FAM120B: variants seen among roughly 807,000 people sequenced by gnomAD.
The protein encoded by FAM120B is family with sequence similarity 120 member B.
In FAM120B, 83 loss-of-function variants were observed where a neutral mutation model predicts 96.3. The ratio of observed to expected loss-of-function variants is 0.86; its 90% confidence interval spans 0.72 to 1.03. The LOEUF is 1.03. FAM120B is among the 50% of genes least tolerant of loss of function. The pLI, the probability that FAM120B is intolerant of heterozygous loss-of-function variation, is 0.00. For missense variants in FAM120B, 1,027 were observed against 1,121.2 expected (o/e 0.92, Z 1.20); for synonymous variants, 407 against 402.7 (o/e 1.01, Z -0.13).
At chr6:170,334,469 A>T (rs1416775077) in intron 4 of FAM120B, among the ~76,000 whole-genome samples, 1 of 152,148 alleles carries the variant, frequency 6.6e-6, no homozygotes, top group Non-Finnish European at 1.5e-5. Context: ...GAAGGTTTTC[A>T]TCTGATCCTT....
At position 170,375,298 on chromosome 6, in the gene FAM120B, C is replaced by A. The variant is rs1383363221; in HGVS notation, c.2284-12989C>A. Among the ~76,000 whole-genome samples, 7 of 152,192 alleles carry A rather than the reference C, an allele frequency of 4.6e-5. No individual in the cohort carries two copies. The East Asian group carries it at 7.7e-4, about 17-fold the overall frequency. On this transcript the variant is annotated intron_variant, in intron 6 of 10. Transcript: ENST00000476287. ...GCAACAGGGCCTCACAAAGCAAAGG[C>A]CTTGTGAAGTCCATTCCTTCAGGGT... is the stretch of plus-strand genomic sequence containing the variant.
chr6:170,328,157 A>T (rs1183844833), intron 3 of FAM120B, among the ~76,000 whole-genome samples: 1 of 151,794 alleles, frequency 6.6e-6, no homozygotes, highest in Non-Finnish European at 1.5e-5. Flanking sequence ...ATACAAACAC[A>T]TTATACAACT....
intron 4 of FAM120B, among the ~76,000 whole-genome samples, chr6:170,342,962 G>A (rs1042005097): frequency 3.9e-5 from 6 of 152,194 alleles, no homozygotes; most frequent in Non-Finnish European, 8.8e-5. Context: ...ACCAGATAAA[G>A]TTTGAGTTGC....
At chr6:170,375,212 G>A (rs1033714276) in intron 6 of FAM120B, among the ~76,000 whole-genome samples, 1 of 152,196 alleles carries the variant, frequency 6.6e-6, no homozygotes, top group African/African-American at 2.4e-5. Flanking sequence ...ACAGAGTTCC[G>A]CAATTTCAGT....
At chr6:170,354,486 T>C (rs1352227118) in intron 5 of FAM120B, among the ~76,000 whole-genome samples, 1 of 152,092 alleles carries the variant, frequency 6.6e-6, no homozygotes, top group African/African-American at 2.4e-5. Flanking sequence ...ACCTACAGAA[T>C]GGGAGAAAAT....
chr6:170,390,233 G>C (rs533898081), intron 7 of FAM120B, among the ~76,000 whole-genome samples: 1 of 152,290 alleles, frequency 6.6e-6, no homozygotes, highest in South Asian at 2.1e-4. Flanking sequence ...CACACACACA[G>C]ATTCCAGAGT....
chr6:170,345,247 GTC>G (rs1463631319), intron 4 of FAM120B, among the ~76,000 whole-genome samples: 4 of 152,156 alleles, frequency 2.6e-5, no homozygotes, highest in African/African-American at 9.7e-5. Context: ...GTTCCCACCA[GTC>G]TCTTCCATGA....
chr6:170,323,187 T>A lies in FAM120B; in HGVS notation c.1843T>A (p.Leu615Ile). 6.2e-7 allele frequency: 1 copy of A among 1,614,160 alleles called. No homozygotes were observed. Among genetic ancestry groups the A allele is most frequent in the East Asian group, 2.2e-5 (1 of 44,866 alleles). ...CCTAGAAGATGAGCTTGACCAGGCC[T>A]TACCCAGCCAGGCCTTCATTTACCG... ...NTLEDELDQA[L>I]PSQAFIYRPI... is the part of the protein sequence containing the mutation. The change falls in exon 3 of 11, where the codon TTA (leucine) becomes ATA (isoleucine). Residue 615 changes from leucine (L) to isoleucine (I), a missense_variant. Physicochemically the swap from Leu to Ile is conservative, Grantham distance 5. This residue lies in a region of FAM120B where 880 missense variants were observed against 980.9 expected (regional missense o/e 0.90). Coordinates refer to ENST00000476287, the MANE Select transcript of FAM120B (RefSeq NM_032448.3).
chr6:170,335,418 T>C (rs1786350332), intron 4 of FAM120B, among the ~76,000 whole-genome samples: 1 of 152,224 alleles, frequency 6.6e-6, no homozygotes, highest in South Asian at 2.1e-4. Flanking sequence ...TAGTATTCCA[T>C]GGTGTGTGTA....
chr6:170,335,878 C>G (rs1786387472), intron 4 of FAM120B, among the ~76,000 whole-genome samples: 1 of 152,098 alleles, frequency 6.6e-6, no homozygotes, highest in Non-Finnish European at 1.5e-5. Flanking sequence ...CTGTTCATAT[C>G]CTTCATCCAC....
chr6:170,304,876 C>A (rs999236878), upstream of FAM120B, among the ~76,000 whole-genome samples: 1 of 152,176 alleles, frequency 6.6e-6, no homozygotes, highest in African/African-American at 2.4e-5. Context: ...GTTCAGACTG[C>A]TACAGCAAAG....
At chr6:170,358,400 T>G (rs2115184991) in intron 6 of FAM120B, 82 bp downstream of exon 6, 1 of 1,027,582 alleles carries the variant, frequency 9.7e-7, no homozygotes, top group Non-Finnish European at 1.5e-6. Context: ...TAGTTGAAGT[T>G]TCACAGAAAA....
chr6:170,317,345 C>T lies in FAM120B; in HGVS notation c.-21-25C>T, dbSNP rs762875740. The T allele has an allele frequency of 2.6e-6, 4 of 1,551,756 alleles. No individual in the cohort carries two copies. The Admixed American group carries it at 6.9e-5, about 27-fold the overall frequency. On this transcript the variant is annotated intron_variant, in intron 1 of 10. Transcript: ENST00000476287. ...ATATCTAATGATAATGCCATAATTA[C>T]TGATTAATTTATCTTTCTTTCCAGA...
At chr6:170,292,390 T>C (rs1382298252), upstream of FAM120B, among the ~76,000 whole-genome samples, 1 of 152,160 alleles carries the variant, frequency 6.6e-6, no homozygotes, top group African/African-American at 2.4e-5. This position sits in a 1 kb window ranked among gnomAD's most constrained non-coding sequence, Gnocchi z 6.6. Flanking sequence ...TCTCCCTCTC[T>C]TTACCATCCC....
chr6:170,313,132 C>A (rs1471766548), intron 1 of FAM120B, among the ~76,000 whole-genome samples: 1 of 152,216 alleles, frequency 6.6e-6, no homozygotes. Context: ...ACCAACTTAA[C>A]TGGCACCCAC....
chr6:170,383,248 A>G lies in FAM120B; in HGVS notation c.2284-5039A>G, dbSNP rs892098188. ...CTTTGGTATCTAGGGTCAGGCAAAG[A>G]GTTCTTAGACTTCATACCAAAAGCA... On this transcript the variant is annotated intron_variant, in intron 6 of 10. Transcript: ENST00000476287. 8.5e-5 allele frequency among the ~76,000 whole-genome samples: 13 copies of G among 152,220 alleles called. 1 individual carries two copies. Among genetic ancestry groups the G allele is most frequent in the Non-Finnish European group, 2.9e-5 (2 of 68,040 alleles).
At chr6:170,347,945 G>A (rs1437582735) in intron 4 of FAM120B, among the ~76,000 whole-genome samples, 2 of 152,074 alleles carry the variant, frequency 1.3e-5, no homozygotes, top group Non-Finnish European at 2.9e-5. Context: ...AAAAAAGAAG[G>A]AATGTTTTCA....
At chr6:170,364,986 A>G (rs140893320) in intron 6 of FAM120B, among the ~76,000 whole-genome samples, 1 of 152,334 alleles carries the variant, frequency 6.6e-6, no homozygotes, top group East Asian at 1.9e-4. Flanking sequence ...CTGGGTTGAA[A>G]AGCAAAGCTA....
At chr6:170,329,576 A>G (rs1785861390) in intron 3 of FAM120B, among the ~76,000 whole-genome samples, 2 of 150,266 alleles carry the variant, frequency 1.3e-5, no homozygotes, top group African/African-American at 4.9e-5. Flanking sequence ...GGAGTGATTC[A>G]TGTTCCTTTT....
Sources: gnomAD v4.1 joint callset for allele counts (sites outside exome capture counted in the v4.1 genomes callset) on GRCh38, gnomAD v4.1.1 for gene constraint, gnomAD v4.1.1 regional missense constraint, Gnocchi (gnomAD v3.1) non-coding constraint, MANE v1.5 for transcripts, NCBI Gene and HGNC (gene_info 2026-07-23, HGNC 2026-07-21) for gene names.